Variants in COL8A1 observed in about 807,000 individuals in gnomAD.
The protein encoded by COL8A1 is collagen type VIII alpha 1 chain.
In COL8A1, 21 loss-of-function variants were observed where a neutral mutation model predicts 42.7. The observed-to-expected ratio is 0.49, with a 90% CI of 0.35 to 0.71. The LOEUF (loss-of-function observed/expected upper bound fraction) is 0.71, where lower values mean the gene tolerates loss of function less well. COL8A1 is among the 30% of genes least tolerant of loss of function. The pLI is 0.01. For missense variants in COL8A1, 788 were observed against 962.4 expected, an observed-to-expected ratio of 0.82 and a Z score of 2.40; for synonymous variants, 367 against 369.1, an observed-to-expected ratio of 0.99 and a Z score of 0.06.
rs1032388730 is a variant in COL8A1, at chr3:99,693,676, T to TA, written c.-128-51215dup. On this transcript the variant is annotated intron_variant, in intron 1 of 3. Transcript: ENST00000652472. The stretch of plus-strand genomic sequence containing the variant: ...TGTTATTTTAAAAGACTCAAAACGT[T>TA]AAAAAATTAAAAGGAAGAAATGTTA... Among the ~76,000 whole-genome samples the TA allele has an allele frequency of 3.2e-4, 48 of 152,220 alleles. 1 individual carries two copies. The highest frequency in any genetic ancestry group is 1.0e-4 in the Non-Finnish European group (7 of 68,034).
chr3:99,692,135 T>TA (rs1939238619), intron 1 of COL8A1, among the ~76,000 whole-genome samples: 2 of 151,908 alleles, frequency 1.3e-5, no homozygotes, highest in Non-Finnish European at 2.9e-5. Flanking sequence ...CAACCCCTAC[T>TA]CACACACACC....
chr3:99,783,407 T>G (rs1941832991), intron 2 of COL8A1, among the ~76,000 whole-genome samples: 1 of 152,220 alleles, frequency 6.6e-6, no homozygotes, highest in Non-Finnish European at 1.5e-5. Flanking sequence ...AAGCATATAA[T>G]TTAGGCTGTT....
intron 1 of COL8A1, among the ~76,000 whole-genome samples, chr3:99,739,530 A>C (rs1344395433): frequency 6.6e-6 from 1 of 152,142 alleles, no homozygotes; most frequent in Non-Finnish European, 1.5e-5. Flanking sequence ...ATCTAGGCAG[A>C]AGTTCTCAAA....
At chr3:99,762,018 G>A (rs1447394203) in intron 2 of COL8A1, among the ~76,000 whole-genome samples, 1 of 152,150 alleles carries the variant, frequency 6.6e-6, no homozygotes, top group Non-Finnish European at 1.5e-5. Flanking sequence ...AACTGACCTC[G>A]AGGGATTTTT....
intron 1 of COL8A1, among the ~76,000 whole-genome samples, chr3:99,650,593 C>T (rs1322008401): frequency 6.6e-6 from 1 of 152,020 alleles, no homozygotes; most frequent in Non-Finnish European, 1.5e-5. Flanking sequence ...CGCCACCACA[C>T]CCAGCTAATT....
intron 1 of COL8A1, among the ~76,000 whole-genome samples, chr3:99,712,733 G>A (rs983378793): frequency 6.6e-5 from 10 of 152,078 alleles, no homozygotes; most frequent in Admixed American, 1.3e-4. Flanking sequence ...GACAGACATG[G>A]AAGCTTTCCA....
intron 2 of COL8A1, among the ~76,000 whole-genome samples, chr3:99,786,542 G>A (rs1439822649): frequency 6.6e-6 from 1 of 152,128 alleles, no homozygotes; most frequent in Non-Finnish European, 1.5e-5. Context: ...AGAAATTGCT[G>A]TTCTTTATAA....
intron 1 of COL8A1, among the ~76,000 whole-genome samples, chr3:99,697,685 A>T (rs946177793): frequency 9.9e-5 from 15 of 152,242 alleles, no homozygotes; most frequent in African/African-American, 3.6e-4. Flanking sequence ...AAAAGACATG[A>T]GATACTCAAG....
intron 1 of COL8A1, among the ~76,000 whole-genome samples, chr3:99,725,659 T>C (rs1187802199): frequency 2.1e-5 from 3 of 146,252 alleles, no homozygotes; most frequent in Non-Finnish European, 4.5e-5. Flanking sequence ...AGTGAGAACA[T>C]GTGGTGTTTG....
intron 1 of COL8A1, among the ~76,000 whole-genome samples, chr3:99,640,017 C>A (rs1039502147): frequency 1.3e-5 from 2 of 152,284 alleles, no homozygotes; most frequent in Admixed American, 1.3e-4. Context: ...CTTAGGTCTT[C>A]CAAACCATTT....
At chr3:99,734,791 G>A (rs1940650249) in intron 1 of COL8A1, among the ~76,000 whole-genome samples, 2 of 152,072 alleles carry the variant, frequency 1.3e-5, no homozygotes, top group South Asian at 2.1e-4. Flanking sequence ...AGCATGGAAT[G>A]TTCTTCCATT....
intron 1 of COL8A1, among the ~76,000 whole-genome samples, chr3:99,740,779 T>C (rs1384707389): frequency 1.3e-5 from 2 of 152,212 alleles, no homozygotes; most frequent in Admixed American, 1.3e-4. Flanking sequence ...AAGATTTTTC[T>C]GTTCTGCTAT....
intron 1 of COL8A1, among the ~76,000 whole-genome samples, chr3:99,677,064 A>AGAG (rs1553721076): frequency 2.0e-5 from 3 of 149,446 alleles, no homozygotes; most frequent in South Asian, 2.1e-4. Context: ...CAAAAAGAAA[A>AGAG]AGAGAGAGAG....
intron 1 of COL8A1, among the ~76,000 whole-genome samples, chr3:99,719,027 C>G (rs1940078592): frequency 1.3e-5 from 2 of 152,020 alleles, no homozygotes; most frequent in Admixed American, 1.3e-4. Flanking sequence ...GATTCTATAA[C>G]TCTGTGTGGG....
At chr3:99,674,444 T>TA (rs372040145) in intron 1 of COL8A1, among the ~76,000 whole-genome samples, 2,527 of 143,004 alleles carry the variant, frequency 0.018, 24 homozygotes, top group African/African-American at 0.025. Flanking sequence ...TCTCCTTTTT[T>TA]AAAAAAAAAA....
chr3:99,675,959 G>A (rs767846793), intron 1 of COL8A1, among the ~76,000 whole-genome samples: 1 of 151,942 alleles, frequency 6.6e-6, no homozygotes, highest in African/African-American at 2.4e-5. Flanking sequence ...ATGTCTTGGC[G>A]AACTTAAAAG....
At chr3:99,678,775 AT>A (rs2107320665) in intron 1 of COL8A1, 1 of 152,320 alleles carries the variant, frequency 6.6e-6, no homozygotes, top group East Asian at 1.9e-4. Context: ...GGTGAAGTCA[AT>A]GGGAAAGATA....
rs902534643 is a variant in COL8A1 at position 99,798,545 on chromosome 3, C to A, written c.*2409C>A. ...AGAGAAATTATCTTTTTAGTTAAAA[C>A]CAAATTTCACTTTTCAAAATATCTT... On this transcript the variant is annotated 3_prime_UTR_variant, in exon 4 of 4. Coordinates refer to ENST00000652472, the MANE Select transcript of COL8A1 (RefSeq NM_020351.4). The A allele has an allele frequency of 1.3e-5, 2 of 151,970 alleles. No individual in the cohort carries two copies. Among genetic ancestry groups the A allele is most frequent in the Non-Finnish European group, 2.9e-5 (2 of 68,002 alleles). The allele number at this position is 151,970 out of a possible 1,614,324, so 9.4% of individuals were successfully genotyped here. A position where few individuals can be genotyped will look rare whatever the true frequency, so the allele number is the denominator to read the frequency against.
intron 1 of COL8A1, among the ~76,000 whole-genome samples, chr3:99,638,873 A>C (rs955805760): frequency 6.6e-6 from 1 of 152,174 alleles, no homozygotes; most frequent in East Asian, 1.9e-4. Context: ...AGCAGCATAA[A>C]TATTGCGAAA....
Sources: allele counts gnomAD v4.1 joint callset (sites outside exome capture counted in the v4.1 genomes callset), GRCh38; gene constraint gnomAD v4.1.1; transcripts MANE v1.5; gene names NCBI Gene and HGNC (gene_info 2026-07-23, HGNC 2026-07-21).